TENM2: variants seen among roughly 807,000 people sequenced by gnomAD.
The protein encoded by TENM2 is teneurin-2.
TENM2 carries 52 observed loss-of-function variants against 245.2 expected under a neutral mutation model. That is an observed-to-expected ratio of 0.21 (90% CI 0.17 to 0.27). TENM2 has a LOEUF of 0.27. TENM2 is among the 10% of genes least tolerant of loss of function. The pLI, the probability that TENM2 is intolerant of heterozygous loss-of-function variation, is 1.00. For missense variants in TENM2, 3,046 were observed against 3,666.8 expected (o/e 0.83, Z 4.37); for synonymous variants, 1,363 against 1,438.9 (o/e 0.95, Z 1.19).
intron 2 of TENM2, among the ~76,000 whole-genome samples, chr5:167,851,241 A>C (rs1770553697): frequency 6.6e-6 from 1 of 152,126 alleles, no homozygotes; most frequent in South Asian, 2.1e-4. Context: ...ATTTTATCTC[A>C]GTTTGTCCTC....
chr5:167,496,117 A>C (rs1768800434), intron 2 of TENM2, among the ~76,000 whole-genome samples: 1 of 152,076 alleles, frequency 6.6e-6, no homozygotes, highest in Non-Finnish European at 1.5e-5. Flanking sequence ...TCCTTTTAGA[A>C]ATGAAGTTAG....
At chr5:167,572,811 A>C (rs1475578758) in intron 2 of TENM2, among the ~76,000 whole-genome samples, 1 of 152,232 alleles carries the variant, frequency 6.6e-6, no homozygotes, top group African/African-American at 2.4e-5. Flanking sequence ...AGAAGGATGC[A>C]GTAAAAGTCT....
intron 2 of TENM2, among the ~76,000 whole-genome samples, chr5:167,788,679 A>C (rs1299516029): frequency 2.6e-5 from 4 of 152,160 alleles, no homozygotes; most frequent in African/African-American, 9.7e-5. Context: ...TAACAGAAAA[A>C]CTTAGATTTC....
intron 19 of TENM2, among the ~76,000 whole-genome samples, chr5:168,209,086 G>A (rs1204097401): frequency 6.6e-6 from 1 of 152,168 alleles, no homozygotes; most frequent in Non-Finnish European, 1.5e-5. Context: ...AGAAAGAACA[G>A]AGGGATTTTC....
At chr5:167,885,725 C>T (rs981695008) in intron 3 of TENM2, among the ~76,000 whole-genome samples, 34 of 152,170 alleles carry the variant, frequency 2.2e-4, no homozygotes, top group African/African-American at 8.2e-4. Flanking sequence ...GCTCTGTTGG[C>T]CAGGCTAGAG....
chr5:167,122,569 C>G, the TENM2 span, among the ~76,000 whole-genome samples: 2 of 152,136 alleles, frequency 1.3e-5, no homozygotes, highest in African/African-American at 4.8e-5. Context: ...TGTTAATGTT[C>G]CATGTTCTCC....
At chr5:167,022,566 G>A in the TENM2 span, among the ~76,000 whole-genome samples, 5 of 152,238 alleles carry the variant, frequency 3.3e-5, no homozygotes, top group South Asian at 2.1e-4. Flanking sequence ...CTCAACTCAC[G>A]TGTTATCTTT....
upstream of TENM2, among the ~76,000 whole-genome samples, chr5:167,281,479 G>A (rs1771064898): frequency 3.3e-5 from 5 of 152,076 alleles, no homozygotes; most frequent in South Asian, 1.0e-3. Context: ...CAGTCCGTGA[G>A]CTTTGCCTAG....
intron 6 of TENM2, among the ~76,000 whole-genome samples, chr5:168,050,817 TTTG>T (rs1289665252): frequency 6.6e-6 from 1 of 152,206 alleles, no homozygotes; most frequent in Non-Finnish European, 1.5e-5. Context: ...CCGTTTTCCA[TTTG>T]TTGTTGTTCG....
the TENM2 span, among the ~76,000 whole-genome samples, chr5:167,049,078 T>C: frequency 6.6e-6 from 1 of 152,182 alleles, no homozygotes; most frequent in Non-Finnish European, 1.5e-5. Context: ...TAAGTACCTG[T>C]AGTGACAAGA....
the TENM2 span, among the ~76,000 whole-genome samples, chr5:167,101,835 T>TTATATATATATATTTATA: frequency 7.9e-5 from 4 of 50,854 alleles, no homozygotes; most frequent in African/African-American, 2.8e-4. Flanking sequence ...CTCTTGACAT[T>TTATATATATATATTTATA]TATATATATA....
chr5:167,259,706 G>C, the TENM2 span, among the ~76,000 whole-genome samples: 1 of 151,864 alleles, frequency 6.6e-6, no homozygotes, highest in Non-Finnish European at 1.5e-5. Context: ...TTACCAACTT[G>C]AATTCATCTT....
chr5:167,654,757 T>C (rs1399866983), intron 2 of TENM2, among the ~76,000 whole-genome samples: 1 of 152,068 alleles, frequency 6.6e-6, no homozygotes, highest in Non-Finnish European at 1.5e-5. Flanking sequence ...TAACATGGAA[T>C]ATGGGGTAGT....
intron 25 of TENM2, among the ~76,000 whole-genome samples, chr5:168,236,060 G>C (rs942914754): frequency 6.6e-6 from 1 of 152,198 alleles, no homozygotes; most frequent in Non-Finnish European, 1.5e-5. Flanking sequence ...GAGCTCCAGT[G>C]TGGCTGGAGT....
intron 2 of TENM2, among the ~76,000 whole-genome samples, chr5:167,458,089 T>C (rs1434740239): frequency 6.6e-6 from 1 of 152,174 alleles, no homozygotes; most frequent in Non-Finnish European, 1.5e-5. Context: ...TTTGGAATGG[T>C]TCTTTACATT....
chr5:167,844,889 C>G (rs983101729), intron 2 of TENM2, among the ~76,000 whole-genome samples: 1 of 151,678 alleles, frequency 6.6e-6, no homozygotes, highest in African/African-American at 2.4e-5. Context: ...CTATCTTCGC[C>G]CCTTCAGTAT....
the TENM2 span, among the ~76,000 whole-genome samples, chr5:167,171,577 G>C: frequency 6.6e-6 from 1 of 152,014 alleles, no homozygotes; most frequent in Non-Finnish European, 1.5e-5. Context: ...TTCACCTCCA[G>C]AACTGAAAAA....
chr5:168,210,097 G>A (rs1762672475), intron 19 of TENM2, among the ~76,000 whole-genome samples: 1 of 152,130 alleles, frequency 6.6e-6, no homozygotes, highest in Non-Finnish European at 1.5e-5. Context: ...CCTATCCCTT[G>A]TAAGTAGGAC....
chr5:167,653,905 G>A (rs1215053393), intron 2 of TENM2: 1 of 151,486 alleles, frequency 6.6e-6, no homozygotes. Flanking sequence ...CATCCACTTT[G>A]TCTGTTGGAG....
Sources: allele counts gnomAD v4.1 joint callset (sites outside exome capture counted in the v4.1 genomes callset), GRCh38; gene constraint gnomAD v4.1.1; transcripts MANE v1.5; gene names NCBI Gene and HGNC (gene_info 2026-07-23, HGNC 2026-07-21).